The following SLC35E2B variants were observed in gnomAD, a reference collection of about 807,000 sequenced individuals.
SLC35E2B encodes solute carrier family 35, member E2B.
SLC35E2B carries 18 observed loss-of-function variants against 32.4 expected under a neutral mutation model. That is an observed-to-expected ratio of 0.56 (90% CI 0.38 to 0.82). The LOEUF (loss-of-function observed/expected upper bound fraction) is 0.82. SLC35E2B is among the 40% of genes least tolerant of loss of function. The pLI is 0.00. For synonymous variants in SLC35E2B, 132 were observed against 209.1 expected (o/e 0.63, Z 3.18); for missense variants, 263 against 469.5 (o/e 0.56, Z 4.06).
At chr1:1,678,273 G>A (rs1159369652) in intron 2 of SLC35E2B, among the ~76,000 whole-genome samples, 5 of 152,152 alleles carry the variant, frequency 3.3e-5, no homozygotes, top group Admixed American at 1.3e-4. Context: ...AGGGACGCAC[G>A]CCACCCCCTC....
intron 2 of SLC35E2B, among the ~76,000 whole-genome samples, chr1:1,687,998 G>A (rs1643972111): frequency 6.6e-6 from 1 of 152,142 alleles, no homozygotes; most frequent in Non-Finnish European, 1.5e-5. Flanking sequence ...TGGTGGGAAA[G>A]ACACCAGAGG....
intron 2 of SLC35E2B, among the ~76,000 whole-genome samples, chr1:1,684,338 G>A (rs895837115): frequency 1.3e-5 from 2 of 152,186 alleles, no homozygotes; most frequent in African/African-American, 2.4e-5. Context: ...GAGAGAGGAC[G>A]GCTGTGAGCT....
chr1:1,685,633 C>T (rs752009998), intron 2 of SLC35E2B, among the ~76,000 whole-genome samples: 1 of 152,000 alleles, frequency 6.6e-6, no homozygotes, highest in South Asian at 2.1e-4. Flanking sequence ...AAATGGAACA[C>T]GAACACGAAT....
intron 9 of SLC35E2B, among the ~76,000 whole-genome samples, chr1:1,666,889 T>C (rs1418451990): frequency 6.6e-6 from 1 of 151,450 alleles, no homozygotes; most frequent in African/African-American, 2.4e-5. Flanking sequence ...GCGGATCGCC[T>C]GAGGTCAGGA....
chr1:1,675,274 T>G (rs1388847916), intron 5 of SLC35E2B, among the ~76,000 whole-genome samples, 189 bp downstream of exon 5: 1 of 150,284 alleles, frequency 6.7e-6, no homozygotes, highest in Admixed American at 6.6e-5. Flanking sequence ...TGAGAATACC[T>G]GGCAGACGCC....
At chr1:1,677,303 C>T (rs1418110649) in intron 2 of SLC35E2B, among the ~76,000 whole-genome samples, 22 of 147,488 alleles carry the variant, frequency 1.5e-4, no homozygotes, top group Admixed American at 6.2e-4. Flanking sequence ...TTTCTCTGCG[C>T]GTGTTGGCGG....
At position 1,666,031 on chromosome 1, in the gene SLC35E2B, A is replaced by G; in HGVS notation, c.981-12T>C. 6.5e-7 allele frequency: 1 copy of G among 1,547,950 alleles called. No homozygotes were observed. Among genetic ancestry groups the G allele is most frequent in the Non-Finnish European group, 8.7e-7 (1 of 1,144,568 alleles). Reference sequence around the variant, plus strand: ...CGGTGCTGGCGACGCTGCGGAGGCAAGGGGAGGCAGCAGGGGCGCTCAGGG... The same window carrying G: ...CGGTGCTGGCGACGCTGCGGAGGCAGGGGGAGGCAGCAGGGGCGCTCAGGG... On this transcript the variant is annotated splice_polypyrimidine_tract_variant and intron_variant, in intron 9 of 9. Coordinates refer to ENST00000617444, the MANE Select transcript of SLC35E2B (RefSeq NM_001290264.2).
At chr1:1,678,280 C>T (rs1570334253) in intron 2 of SLC35E2B, among the ~76,000 whole-genome samples, 1 of 152,122 alleles carries the variant, frequency 6.6e-6, no homozygotes, top group Admixed American at 6.5e-5. Context: ...CACGCCACCC[C>T]CTCCCCCATG....
At chr1:1,678,368 G>A (rs895242340) in intron 2 of SLC35E2B, among the ~76,000 whole-genome samples, 2 of 151,898 alleles carry the variant, frequency 1.3e-5, no homozygotes, top group African/African-American at 2.4e-5. Context: ...CCTGAAACTT[G>A]GCCTCCCCAT....
chr1:1,687,420 TACAAAAAATTAGTCTCTACTAAAAAA>T (rs1643965443), intron 2 of SLC35E2B, among the ~76,000 whole-genome samples: 2 of 150,810 alleles, frequency 1.3e-5, no homozygotes, highest in African/African-American at 2.4e-5. Context: ...CTACTAAAAA[TACAAAAAATTAGTCTCTACTAAAAAA>T]ACAAAAAATT....
At chr1:1,688,946 C>T (rs1461141901) in intron 2 of SLC35E2B, among the ~76,000 whole-genome samples, 19 of 151,696 alleles carry the variant, frequency 1.3e-4, no homozygotes, top group Non-Finnish European at 2.1e-4. Flanking sequence ...CCGAGGTGGG[C>T]GCATCACGAG....
intron 2 of SLC35E2B, among the ~76,000 whole-genome samples, chr1:1,688,102 G>C (rs28487995): frequency 1.3e-5 from 2 of 151,622 alleles, no homozygotes; most frequent in African/African-American, 2.4e-5. Context: ...GGCAGAGTAC[G>C]TAACACAGTA....
intron 2 of SLC35E2B, among the ~76,000 whole-genome samples, chr1:1,688,868 T>C (rs957166738): frequency 1.3e-5 from 2 of 151,472 alleles, no homozygotes; most frequent in Admixed American, 6.6e-5. Context: ...AGTAAACAAA[T>C]GCAAAAGAAT....
rs573329150 is a variant in SLC35E2B, at chr1:1,684,024, T to C, written c.-148+6952A>G. ...GGCCCACACCTAGAACCCCAGTACT[T>C]TGGAAGGCCGAGGAGGGAGGATCGC... is the stretch of plus-strand genomic sequence containing the variant. On this transcript the variant is annotated intron_variant, in intron 2 of 9. Transcript: ENST00000617444. 5.3e-3 allele frequency among the ~76,000 whole-genome samples: 805 copies of C among 152,152 alleles called. 7 individuals carry two copies. Among genetic ancestry groups the C allele is most frequent in the Non-Finnish European group, 8.7e-3 (589 of 68,016 alleles).
In SLC35E2B at chr1:1,663,526, A is replaced by G. The variant is rs947200965; in HGVS notation, c.*2256T>C. The G allele has an allele frequency of 2.2e-4, 150 of 684,914 alleles. 4 individuals carry two copies. In the African/African-American group the frequency reaches 2.8e-3, roughly 13 times the overall value. The allele number at this position is 684,914 out of a possible 1,614,324, so 42.4% of individuals were successfully genotyped here. The stretch of plus-strand genomic sequence containing the variant: ...TGCCCTGTTGCCCAGGCTGGAGTGC[A>G]ATGGCACGATCTTGGCTCACTGCAA... On this transcript the variant is annotated 3_prime_UTR_variant, in exon 10 of 10. Coordinates refer to ENST00000617444, the MANE Select transcript of SLC35E2B (RefSeq NM_001290264.2).
chr1:1,670,284 GTTAC>G, intron 6 of SLC35E2B, 133 bp from the exon 7 acceptor site: 2 of 661,456 alleles, frequency 3.0e-6, no homozygotes, highest in South Asian at 1.8e-5. Flanking sequence ...ACCACGCCTG[GTTAC>G]TTTTTTTATT....
chr1:1,663,961 G>A lies in SLC35E2B; in HGVS notation c.*1821C>T, dbSNP rs4313339. 21,594 of 404,344 alleles carry A rather than the reference G, an allele frequency of 0.053. 1,232 individuals are homozygous for A. The highest frequency in any genetic ancestry group is 0.28 in the East Asian group (1,793 of 6,452). The allele number at this position is 404,344 out of a possible 1,614,324, so 25.0% of individuals were successfully genotyped here. ...TTCTCGACACTACAGGAGGCTGAGT[G>A]GGAAGGATTGCTTGAGCCGAGGAGT... On this transcript the variant is annotated 3_prime_UTR_variant, in exon 10 of 10. Transcript: ENST00000617444.
At position 1,689,440 on chromosome 1, in the gene SLC35E2B, C is replaced by G. The variant is rs1246861821; in HGVS notation, c.-148+1536G>C. On this transcript the variant is annotated intron_variant, in intron 2 of 9. Coordinates refer to ENST00000617444, the MANE Select transcript of SLC35E2B (RefSeq NM_001290264.2). ...CCCTCTGGGGAAGGTGCTGTTATCA[C>G]CCACGTGAGACACACGAAGGAAAGA... Among the ~76,000 whole-genome samples the G allele has an allele frequency of 4.0e-5, 6 of 151,612 alleles. 1 individual carries two copies. Among genetic ancestry groups the G allele is most frequent in the Non-Finnish European group, 8.9e-5 (6 of 67,788 alleles).
intron 2 of SLC35E2B, among the ~76,000 whole-genome samples, chr1:1,688,775 A>C (rs1437498132): frequency 6.6e-6 from 1 of 152,138 alleles, no homozygotes; most frequent in Non-Finnish European, 1.5e-5. Flanking sequence ...AAGGAGACGG[A>C]GGCGCAGGGA....
Sources: allele counts gnomAD v4.1 joint callset (sites outside exome capture counted in the v4.1 genomes callset), GRCh38; gene constraint gnomAD v4.1.1; transcripts MANE v1.5; gene names NCBI Gene and HGNC (gene_info 2026-07-23, HGNC 2026-07-21).